Variants in SLC12A7 observed in about 807,000 individuals in gnomAD.
SLC12A7 encodes the protein solute carrier family 12 member 7.
In SLC12A7, 100 loss-of-function variants were observed where a neutral mutation model predicts 120.6. That is an observed-to-expected ratio of 0.83 (90% CI 0.71 to 0.98). The LOEUF is 0.98. Among genes scored for constraint, SLC12A7 ranks in the 50% least tolerant of loss-of-function variants. SLC12A7 has a pLI of 0.00. For synonymous variants in SLC12A7, 760 were observed against 678.0 expected (o/e 1.12, Z -1.88); for missense variants, 1,373 against 1,548.1 (o/e 0.89, Z 1.90).
At chr5:1,084,776 C>T (rs936351618) in intron 7 of SLC12A7, among the ~76,000 whole-genome samples, 15 of 152,268 alleles carry the variant, frequency 9.9e-5, no homozygotes, top group Non-Finnish European at 1.6e-4. Context: ...CTGCTCCCTG[C>T]GGGCTCTGGT....
chr5:1,091,750 A>G (rs925547022), intron 3 of SLC12A7, among the ~76,000 whole-genome samples: 2 of 151,796 alleles, frequency 1.3e-5, no homozygotes, highest in African/African-American at 4.8e-5. Context: ...GGCAATACCC[A>G]GTTCCGCAGC....
At chr5:1,114,389 AAGACAG>A (rs1743230378), upstream of SLC12A7, among the ~76,000 whole-genome samples, 2 of 152,274 alleles carry the variant, frequency 1.3e-5, no homozygotes, top group South Asian at 4.1e-4. Context: ...CCTGCGGGTC[AAGACAG>A]AGACCCTTGC....
intron 1 of SLC12A7, among the ~76,000 whole-genome samples, chr5:1,106,865 T>C (rs1742568724): frequency 6.6e-6 from 1 of 152,212 alleles, no homozygotes. Context: ...CTAAAGCAGT[T>C]GTGATGAAAC....
intron 7 of SLC12A7, among the ~76,000 whole-genome samples, chr5:1,084,791 A>C (rs1305465585): frequency 6.6e-6 from 1 of 151,740 alleles, no homozygotes; most frequent in Non-Finnish European, 1.5e-5. Flanking sequence ...TCTGGTGGCC[A>C]CTCCCATGTT....
rs1352809206 is a variant in SLC12A7 at position 1,057,630 on chromosome 5, C to T, written c.2867G>A (p.Arg956Lys). 1.2e-6 allele frequency: 2 copies of T among 1,601,456 alleles called. No homozygotes were observed. The highest frequency in any genetic ancestry group is 2.2e-5 in the East Asian group (1 of 44,868). The part of the protein sequence containing the change: ...QEREAQLIHD[R>K]NTASHTAAAA... ...CGCCGCGGTGTGGGACGCGGTGTTC[C>T]TGTCGTGGATCAGCTGGGCCTGGCG... The change falls in exon 22 of 24, where the codon AGG (arginine) becomes AAG (lysine). Residue 956 changes from arginine (R) to lysine (K), a missense_variant. Transcript: ENST00000264930.
At chr5:1,074,396 C>T (rs1055439816) in intron 16 of SLC12A7, among the ~76,000 whole-genome samples, 171 bp downstream of exon 16, 5 of 152,220 alleles carry the variant, frequency 3.3e-5, no homozygotes, top group Admixed American at 1.3e-4. Flanking sequence ...GGGACACCCC[C>T]GGCCCCCAGC....
rs571307712 is a variant in SLC12A7, at chr5:1,079,728, C to T, written c.1298-232G>A. Among the ~76,000 whole-genome samples, 5 of 152,278 alleles carry T rather than the reference C, an allele frequency of 3.3e-5. No individual in the cohort carries two copies. The East Asian group carries it at 5.8e-4, about 18-fold the overall frequency. ...TCTACTGCTCCCCTGGATCCGAGGA[C>T]GAGAACCGACCCCGTCACTGACCCC... On this transcript the variant is annotated intron_variant, in intron 9 of 23. Transcript: ENST00000264930.
chr5:1,053,919 A>G (rs1194866924), intron 22 of SLC12A7, among the ~76,000 whole-genome samples: 1 of 152,222 alleles, frequency 6.6e-6, no homozygotes, highest in Non-Finnish European at 1.5e-5. Flanking sequence ...CACGTCAGAC[A>G]CTGCCAAACA....
chr5:1,052,289 GCCAAGC>G lies in SLC12A7; in HGVS notation c.*65_*70del, dbSNP rs1735121212. 2 of 1,318,800 alleles carry G rather than the reference GCCAAGC, an allele frequency of 1.5e-6. No individual in the cohort carries two copies. Among genetic ancestry groups the G allele is most frequent in the Admixed American group, 1.7e-5 (1 of 59,254 alleles). 81.7% of individuals were successfully genotyped at this position (1,318,800 alleles called of 1,614,324 possible). A position where few individuals can be genotyped will look rare whatever the true frequency, so the allele number is the denominator to read the frequency against. On this transcript the variant is annotated 3_prime_UTR_variant, in exon 24 of 24. Transcript: ENST00000264930. ...GTGTGTCTGCCGTCTGTTTCCCTGG[GCCAAGC>G]CCAGGCCCAGGCTGCCCACGCCGTC...
chr5:1,141,446 C>G, the SLC12A7 span, among the ~76,000 whole-genome samples: 175 of 90,736 alleles, frequency 1.9e-3, no homozygotes, highest in African/African-American at 5.6e-3. Flanking sequence ...ACGGGCACCA[C>G]AGCCGCCATG....
In SLC12A7 at chr5:1,064,243, C is replaced by T. The variant is rs146540406; in HGVS notation, c.2447G>A (p.Arg816His). Residue 816 changes from arginine to histidine, a missense_variant, in exon 19 of 24, where the codon CGC (arginine) becomes CAC (histidine). Coordinates refer to ENST00000264930, the MANE Select transcript of SLC12A7 (RefSeq NM_006598.3). ...AGCCTGGTGCGCGGCGGTGGTGTCGCGGACGGTGTCTGCGGAGAGAGGCGG... is the reference window on the plus strand; with the variant it reads ...AGCCTGGTGCGCGGCGGTGGTGTCGTGGACGGTGTCTGCGGAGAGAGGCGG... ...FSWKNFVDTV[R>H]DTTAAHQALL... 6.2e-6 allele frequency: 10 copies of T among 1,609,892 alleles called. No individual in the cohort carries two copies. Among genetic ancestry groups the T allele is most frequent in the South Asian group, 4.4e-5 (4 of 90,702 alleles).
intron 8 of SLC12A7, 126 bp from the exon 9 acceptor site, chr5:1,081,870 C>T: frequency 9.1e-7 from 1 of 1,095,334 alleles, no homozygotes; most frequent in African/African-American, 1.6e-5. Context: ...TTGTGCGCCG[C>T]AAGCAGGCTC....
chr5:1,139,740 C>T, the SLC12A7 span, among the ~76,000 whole-genome samples: 969 of 152,302 alleles, frequency 6.4e-3, 7 homozygotes, highest in African/African-American at 0.022. Context: ...TCCCTCCTCC[C>T]GGCAGGCCCC....
rs1738753256 is a variant in SLC12A7, at chr5:1,079,450, C to T, written c.1344G>A (p.Gln448=). Reference sequence around the variant, plus strand: ...GGATGGTCCCCGTGGGGATGGACTTCTGTGCATCCTTGAGGTCCCCGGACC... The same window carrying T: ...GGATGGTCCCCGTGGGGATGGACTTTTGTGCATCCTTGAGGTCCCCGGACC... ...SNRSGDLKDA[Q]KSIPTGTILA... Residue 448 remains glutamine, a synonymous_variant, in exon 10 of 24, where the codon CAG becomes CAA. Transcript: ENST00000264930. 1.2e-6 allele frequency: 2 copies of T among 1,612,848 alleles called. No homozygotes were observed. The highest frequency in any genetic ancestry group is 1.7e-6 in the Non-Finnish European group (2 of 1,179,898).
At chr5:1,067,905 C>G (rs548391347) in intron 17 of SLC12A7, among the ~76,000 whole-genome samples, 2 of 152,154 alleles carry the variant, frequency 1.3e-5, no homozygotes, top group African/African-American at 4.8e-5. Flanking sequence ...TGTCGGGGAC[C>G]CTGTTATCAC....
At chr5:1,088,139 C>A (rs903232410) in intron 5 of SLC12A7, among the ~76,000 whole-genome samples, 167 bp downstream of exon 5, 3 of 152,242 alleles carry the variant, frequency 2.0e-5, no homozygotes, top group Admixed American at 1.3e-4. Flanking sequence ...CGTGACCTCA[C>A]GGCTCAAACG....
At position 1,085,223 on chromosome 5, in the gene SLC12A7, G is replaced by A. The variant is rs748459004; in HGVS notation, c.917+9C>T. The A allele has an allele frequency of 3.8e-5, 60 of 1,570,522 alleles. 2 individuals carry two copies. The South Asian group carries it at 4.6e-4, about 12-fold the overall frequency. On this transcript the variant is annotated intron_variant, in intron 7 of 23. Coordinates refer to ENST00000264930, the MANE Select transcript of SLC12A7 (RefSeq NM_006598.3). ...CACCCACCCACGGCTCAGAGGCCCCGAGACTCACGGGATGTCCGGGGGGTC... is the reference window on the plus strand; with the variant it reads ...CACCCACCCACGGCTCAGAGGCCCCAAGACTCACGGGATGTCCGGGGGGTC...
intron 20 of SLC12A7, among the ~76,000 whole-genome samples, chr5:1,060,988 T>TGCTGCGTCTCACCCACC (rs1561034419): frequency 5.2e-4 from 67 of 129,782 alleles, no homozygotes; most frequent in African/African-American, 2.2e-3. Context: ...TCTCACCCAC[T>TGCTGCGTCTCACCCACC]GCACCTGCCG....
At chr5:1,091,123 G>A (rs1251954710) in intron 3 of SLC12A7, among the ~76,000 whole-genome samples, 1 of 152,246 alleles carries the variant, frequency 6.6e-6, no homozygotes, top group Admixed American at 6.5e-5. Context: ...TCAGCCTGGG[G>A]TACCTGCATA....
Sources: gnomAD v4.1 joint callset for allele counts (sites outside exome capture counted in the v4.1 genomes callset) on GRCh38, gnomAD v4.1.1 for gene constraint, MANE v1.5 for transcripts, NCBI Gene and HGNC (gene_info 2026-07-23, HGNC 2026-07-21) for gene names.